The following NOS1 variants were observed in gnomAD, a reference collection of about 807,000 sequenced individuals.
NOS1 encodes nitric oxide synthase 1.
In NOS1, 51 loss-of-function variants were observed where a neutral mutation model predicts 164.5. The ratio of observed to expected loss-of-function variants is 0.31; its 90% CI spans 0.25 to 0.39. The LOEUF is 0.39. NOS1 is among the 10% of genes least tolerant of loss of function. The pLI is 1.00. For missense variants in NOS1, 1,362 were observed against 1,885.6 expected (o/e 0.72, Z 5.14); for synonymous variants, 719 against 745.8 (o/e 0.96, Z 0.59).
intron 2 of NOS1, among the ~76,000 whole-genome samples, chr12:117,324,005 A>T (rs113641410): frequency 1.2e-3 from 178 of 150,992 alleles, no homozygotes; most frequent in African/African-American, 4.1e-3. Context: ...GGCCAGGCTG[A>T]CCTCAAGTGA....
chr12:117,351,335 C>G (rs1184242146), intron 1 of NOS1, among the ~76,000 whole-genome samples: 1 of 152,188 alleles, frequency 6.6e-6, no homozygotes, highest in Non-Finnish European at 1.5e-5. Flanking sequence ...CCACTCCATT[C>G]CACCACCCAA....
Position 117,259,136 on chromosome 12 carries a change from T to G in NOS1, c.2368-6A>C, listed in dbSNP as rs767838050. On this transcript the variant is annotated splice_region_variant and splice_polypyrimidine_tract_variant and intron_variant, in intron 14 of 28. Transcript: ENST00000317775. ...TATTCTTCCATGGACATCACCTAGG[T>G]GGGCAGGGCACAGGTATAGGATGGG... 8.1e-6 allele frequency: 13 copies of G among 1,600,952 alleles called. No homozygotes were observed. The highest frequency in any genetic ancestry group is 6.0e-6 in the Non-Finnish European group (7 of 1,168,248).
At chr12:117,287,489 A>C (rs1268904204) in intron 5 of NOS1, among the ~76,000 whole-genome samples, 1 of 151,210 alleles carries the variant, frequency 6.6e-6, no homozygotes, top group East Asian at 2.0e-4. Context: ...CCCAGGCTGG[A>C]GTGCAGTGGT....
Position 117,208,837 on chromosome 12 carries a change from C to G in NOS1, c.*6472G>C. 4.2e-6 allele frequency: 3 copies of G among 714,582 alleles called. No individual in the cohort carries two copies. The highest frequency in any genetic ancestry group is 5.2e-6 in the Non-Finnish European group (3 of 581,708). 44.3% of individuals were successfully genotyped at this position (714,582 alleles called of 1,614,324 possible). ...TCCTGGGTTCAAGTAATTCTCCTGCCTCAGCCTCCCGAGTAGATGGGATTA... is the reference window on the plus strand; with the variant it reads ...TCCTGGGTTCAAGTAATTCTCCTGCGTCAGCCTCCCGAGTAGATGGGATTA... On this transcript the variant is annotated 3_prime_UTR_variant, in exon 29 of 29. Transcript: ENST00000317775.
In NOS1 at chr12:117,280,792, C is replaced by T. The variant is rs773623606; in HGVS notation, c.1457G>A (p.Arg486His). The T allele has an allele frequency of 2.6e-5, 42 of 1,614,060 alleles. No individual in the cohort carries two copies. Among genetic ancestry groups the T allele is most frequent in the Admixed American group, 6.7e-5 (4 of 60,010 alleles). Residue 486 changes from arginine to histidine, a missense_variant, in exon 8 of 29, where the codon CGC (arginine) becomes CAC (histidine). Physicochemically the swap from Arg to His is conservative, Grantham distance 29. Around this residue, in one of 4 missense-constraint regions of NOS1, gnomAD observed 134 missense variants for 267.3 expected, o/e 0.50. Coordinates refer to ENST00000317775, the MANE Select transcript of NOS1 (RefSeq NM_000620.5). ...GTCAGGCTGCTTGTAGCCAGCGTAGCGGATGAGCTGGGAGTTCCAGACTCG... is the reference window on the plus strand; with the variant it reads ...GTCAGGCTGCTTGTAGCCAGCGTAGTGGATGAGCTGGGAGTTCCAGACTCG... The part of the protein sequence containing the change: ...DFRVWNSQLI[R>H]YAGYKQPDGS...
intron 19 of NOS1, among the ~76,000 whole-genome samples, chr12:117,242,975 G>C (rs1351020553): frequency 6.6e-6 from 1 of 152,232 alleles, no homozygotes; most frequent in Admixed American, 6.5e-5. Context: ...AGAGACAGAA[G>C]AGAGGAGATG....
At chr12:117,306,844 T>G (rs918754564) in intron 3 of NOS1, among the ~76,000 whole-genome samples, 1 of 152,178 alleles carries the variant, frequency 6.6e-6, no homozygotes, top group Admixed American at 6.5e-5. Flanking sequence ...GGTCTCAAAC[T>G]CCTGACCTCA....
At chr12:117,247,571 T>TG (rs1317725568) in intron 17 of NOS1, 49 bp from the exon 18 acceptor site, 1 of 1,542,714 alleles carries the variant, frequency 6.5e-7, no homozygotes, top group Non-Finnish European at 8.8e-7. Flanking sequence ...GTGGGGAATG[T>TG]GGGGAGTGTC....
In NOS1 at chr12:117,208,614, G is replaced by C. The variant is rs1390706495; in HGVS notation, c.*6695C>G. ...CGGCAGAGCACAGGACATGGGAGGG[G>C]ACTGAGACCCAGCTCAAGAGCACTG... On this transcript the variant is annotated 3_prime_UTR_variant, in exon 29 of 29. Transcript: ENST00000317775. The C allele has an allele frequency of 1.0e-5, 12 of 1,169,196 alleles. No homozygotes were observed. The highest frequency in any genetic ancestry group is 1.3e-5 in the Non-Finnish European group (12 of 930,502). The allele number at this position is 1,169,196 out of a possible 1,614,324, so 72.4% of individuals were successfully genotyped here.
chr12:117,353,957 A>G (rs577740701), intron 1 of NOS1, among the ~76,000 whole-genome samples: 3 of 152,290 alleles, frequency 2.0e-5, no homozygotes, highest in African/African-American at 7.2e-5. Context: ...CAAAACAACA[A>G]TGAAAAAACC....
chr12:117,265,253 A>C lies in NOS1; in HGVS notation c.2136+63T>G, dbSNP rs1279004573. The C allele has an allele frequency of 4.2e-6, 6 of 1,416,662 alleles. No homozygotes were observed. In the African/African-American group the frequency reaches 8.5e-5, roughly 20 times the overall value. The allele number at this position is 1,416,662 out of a possible 1,614,324, so 87.8% of individuals were successfully genotyped here. ...ACTAGCCTGGGTTGAAATGAGCCTA[A>C]ATGTGACACACACACCAGATACAGG... On this transcript the variant is annotated intron_variant, in intron 12 of 28. Transcript: ENST00000317775.
Position 117,226,711 on chromosome 12 carries a change from C to T in NOS1, c.3676G>A (p.Asp1226Asn), listed in dbSNP as rs374280350. ...CTCACGAAACAGGGGACCAGTTCGT[C>T]AGCCTGTATCCGGTTGAGCCAGGAG... Reference protein sequence around the residue: ...CSSWLNRIQADELVPCFVRGA... With the variant: ...CSSWLNRIQANELVPCFVRGA... Residue 1226 changes from aspartate to asparagine, a missense_variant, in exon 24 of 29, where the codon GAC (aspartate) becomes AAC (asparagine). Physicochemically the swap from Asp to Asn is conservative, Grantham distance 23 (BLOSUM62 1). Coordinates refer to ENST00000317775, the MANE Select transcript of NOS1 (RefSeq NM_000620.5). 44 of 1,613,946 alleles carry T rather than the reference C, an allele frequency of 2.7e-5. No homozygotes were observed. Among genetic ancestry groups the T allele is most frequent in the Admixed American group, 1.7e-4 (10 of 59,990 alleles).
chr12:117,330,352 C>T lies in NOS1; in HGVS notation c.718G>A (p.Val240Met). 6.2e-7 allele frequency: 1 copy of T among 1,611,306 alleles called. No individual in the cohort carries two copies. The highest frequency in any genetic ancestry group is 1.3e-5 in the African/African-American group (1 of 74,856). ...CACCCCTGTGGAGCTTACCTGTCCA[C>T]CTGGATTCCCATATCTTTCATCTCT... ...KAEMKDMGIQ[V>M]DRDLDGKSHK... Residue 240 changes from valine to methionine, a missense_variant, in exon 2 of 29, where the codon GTG becomes ATG. This residue lies in a region of NOS1 where 362 missense variants were observed against 402.0 expected (regional missense o/e 0.90). Coordinates refer to ENST00000317775, the MANE Select transcript of NOS1 (RefSeq NM_000620.5). The surrounding 1 kb of genome is among the most constrained non-coding windows in gnomAD (Gnocchi z 4.6).
rs1566089630 is a variant in NOS1 at position 117,356,846 on chromosome 12, C to G, written c.-421+4666G>C. On this transcript the variant is annotated intron_variant, in intron 1 of 28. Coordinates refer to ENST00000317775, the MANE Select transcript of NOS1 (RefSeq NM_000620.5). This position sits in a 1 kb window ranked among gnomAD's most constrained non-coding sequence, Gnocchi z 4.2. The stretch of plus-strand genomic sequence containing the variant: ...TTGCCAGGTGCTGCTCATCATTCTT[C>G]CACCTTAAGAATGGGCATGTGAGCA... 6.6e-6 allele frequency among the ~76,000 whole-genome samples: 1 copy of G among 152,218 alleles called. No homozygotes were observed. The highest frequency in any genetic ancestry group is 2.4e-5 in the African/African-American group (1 of 41,448).
chr12:117,328,636 C>T (rs1398250386), intron 2 of NOS1, among the ~76,000 whole-genome samples: 1 of 152,102 alleles, frequency 6.6e-6, no homozygotes, highest in African/African-American at 2.4e-5. Flanking sequence ...GCAATCTCAG[C>T]TCACTGCAAC....
intron 27 of NOS1, 55 bp downstream of exon 27, chr12:117,220,020 G>T: frequency 6.6e-7 from 1 of 1,509,344 alleles, no homozygotes; most frequent in Non-Finnish European, 9.0e-7. Context: ...TGAAAAAGGG[G>T]GGATAGGAGA....
intron 20 of NOS1, among the ~76,000 whole-genome samples, chr12:117,239,221 C>T (rs1869970097): frequency 6.6e-6 from 1 of 152,230 alleles, no homozygotes; most frequent in Non-Finnish European, 1.5e-5. Flanking sequence ...CCATCAAGAA[C>T]TCTCCACTGT....
At chr12:117,332,373 G>A (rs1875589894) in intron 1 of NOS1, among the ~76,000 whole-genome samples, 1 of 152,120 alleles carries the variant, frequency 6.6e-6, no homozygotes, top group Non-Finnish European at 1.5e-5. Flanking sequence ...AGAGAATAAT[G>A]GCAGGGGGAG....
intron 3 of NOS1, among the ~76,000 whole-genome samples, chr12:117,310,393 C>G (rs1311170519): frequency 6.6e-6 from 1 of 152,210 alleles, no homozygotes; most frequent in East Asian, 1.9e-4. Flanking sequence ...CCAAGATCCT[C>G]TTTACCCACT....
Sources: gnomAD v4.1 joint callset for allele counts (sites outside exome capture counted in the v4.1 genomes callset) on GRCh38, gnomAD v4.1.1 for gene constraint, gnomAD v4.1.1 regional missense constraint, Gnocchi (gnomAD v3.1) non-coding constraint, MANE v1.5 for transcripts, NCBI Gene and HGNC (gene_info 2026-07-23, HGNC 2026-07-21) for gene names.